CNTN5: variants seen among roughly 807,000 people sequenced by gnomAD.
CNTN5 encodes contactin-5.
In CNTN5, 77 loss-of-function variants were observed where a neutral mutation model predicts 129.1. The ratio of observed to expected loss-of-function variants is 0.60; its 90% CI spans 0.50 to 0.72. The LOEUF (loss-of-function observed/expected upper bound fraction) is 0.72, where lower values mean the gene tolerates loss of function less well. Among genes scored for constraint, CNTN5 ranks in the 30% least tolerant of loss-of-function variants. The pLI is 0.00. For missense variants in CNTN5, 1,478 were observed against 1,328.8 expected, an observed-to-expected ratio of 1.11 and a Z score of -1.75; for synonymous variants, 509 against 465.6, an observed-to-expected ratio of 1.09 and a Z score of -1.20.
intron 13 of CNTN5, among the ~76,000 whole-genome samples, chr11:100,113,793 T>C (rs1945747830): frequency 6.6e-6 from 1 of 152,138 alleles, no homozygotes; most frequent in East Asian, 1.9e-4. Flanking sequence ...CTTGGTAAAC[T>C]ATCAGTTTCT....
At chr11:100,199,432 C>T (rs191575598) in intron 15 of CNTN5, among the ~76,000 whole-genome samples, 29 of 151,920 alleles carry the variant, frequency 1.9e-4, no homozygotes, top group East Asian at 9.7e-4. Context: ...ACCTCCTGAC[C>T]GCCACATATT....
At chr11:100,103,488 C>A (rs1177247615) in intron 13 of CNTN5, among the ~76,000 whole-genome samples, 1 of 152,090 alleles carries the variant, frequency 6.6e-6, no homozygotes, top group Non-Finnish European at 1.5e-5. Flanking sequence ...GGGGAAAGAG[C>A]ATTCCAAGTG....
intron 3 of CNTN5, among the ~76,000 whole-genome samples, chr11:99,591,745 A>C (rs1949988525): frequency 6.6e-6 from 1 of 152,136 alleles, no homozygotes; most frequent in Admixed American, 6.5e-5. Context: ...GGGGAACTTG[A>C]GATACAGGTG....
chr11:99,685,226 G>A (rs188168841), intron 3 of CNTN5, among the ~76,000 whole-genome samples: 159 of 151,296 alleles, frequency 1.1e-3, no homozygotes, highest in Non-Finnish European at 2.1e-3. Flanking sequence ...TTGCTTTAAG[G>A]CTTTGATTTA....
chr11:99,140,981 T>C (rs549021006), intron 1 of CNTN5, among the ~76,000 whole-genome samples: 1 of 152,032 alleles, frequency 6.6e-6, no homozygotes, highest in Non-Finnish European at 1.5e-5. Context: ...TCTCTGACAG[T>C]GTTGGCATCA....
At chr11:99,284,869 G>A (rs1227245583) in intron 1 of CNTN5, among the ~76,000 whole-genome samples, 1 of 151,986 alleles carries the variant, frequency 6.6e-6, no homozygotes, top group Non-Finnish European at 1.5e-5. Flanking sequence ...ATATCATATA[G>A]GAAAGAATGA....
At chr11:99,276,241 T>A (rs1863422323) in intron 1 of CNTN5, among the ~76,000 whole-genome samples, 1 of 151,766 alleles carries the variant, frequency 6.6e-6, no homozygotes, top group South Asian at 2.1e-4. Flanking sequence ...ATGTCTTTAC[T>A]TTAGAAATTA....
chr11:100,239,830 C>T (rs557017429), intron 16 of CNTN5, among the ~76,000 whole-genome samples: 9 of 152,250 alleles, frequency 5.9e-5, no homozygotes, highest in Middle Eastern at 3.4e-3. Context: ...TCAGCATTCT[C>T]ATTTGTCAGC....
At chr11:99,175,249 A>C (rs1023966180) in intron 1 of CNTN5, among the ~76,000 whole-genome samples, 3 of 152,104 alleles carry the variant, frequency 2.0e-5, no homozygotes, top group Admixed American at 6.5e-5. Flanking sequence ...AACAGAAAAT[A>C]AAAAAATAAA....
At chr11:100,016,152 C>G (rs1022015087) in intron 9 of CNTN5, among the ~76,000 whole-genome samples, 56 of 152,092 alleles carry the variant, frequency 3.7e-4, no homozygotes, top group African/African-American at 1.2e-3. Flanking sequence ...AGACAAAAGT[C>G]TATGTTTACC....
chr11:99,223,651 T>C (rs1177944760), intron 1 of CNTN5, among the ~76,000 whole-genome samples: 1 of 152,182 alleles, frequency 6.6e-6, no homozygotes, highest in African/African-American at 2.4e-5. Context: ...TGTCTTATAC[T>C]TGAGAGGCTC....
chr11:99,361,513 T>C (rs1366885028), intron 2 of CNTN5, among the ~76,000 whole-genome samples: 2 of 152,172 alleles, frequency 1.3e-5, no homozygotes, highest in East Asian at 1.9e-4. Flanking sequence ...AAATGTATCA[T>C]TTTAGCCATT....
chr11:100,217,582 T>C (rs572027687), intron 15 of CNTN5, among the ~76,000 whole-genome samples: 1 of 152,366 alleles, frequency 6.6e-6, no homozygotes, highest in East Asian at 1.9e-4. Flanking sequence ...TGACTAGTTC[T>C]ATCGCCTTTG....
intron 2 of CNTN5, among the ~76,000 whole-genome samples, chr11:99,550,614 T>C (rs923392081): frequency 6.6e-6 from 1 of 152,130 alleles, no homozygotes; most frequent in East Asian, 1.9e-4. Flanking sequence ...AAAATTTACA[T>C]ACAAGGCCCT....
Position 99,388,688 on chromosome 11 carries a change from A to C in CNTN5, c.-71+63204A>C, listed in dbSNP as rs574000444. Among the ~76,000 whole-genome samples, 12 of 152,312 alleles carry C rather than the reference A, an allele frequency of 7.9e-5. No homozygotes were observed. In the South Asian group the frequency reaches 2.5e-3, roughly 32 times the overall value. ...AATTTCTATGTCAGTGAAAGAAAGA[A>C]CACGAAACTTTTTACACCTGCTACT... is the stretch of plus-strand genomic sequence containing the variant. On this transcript the variant is annotated intron_variant, in intron 2 of 24. Transcript: ENST00000524871.
chr11:99,753,118 G>GTTTTTTTTTTT (rs1591097312), intron 3 of CNTN5, among the ~76,000 whole-genome samples: 2 of 84,840 alleles, frequency 2.4e-5, no homozygotes, highest in African/African-American at 9.2e-5. Context: ...AGCCATATTT[G>GTTTTTTTTTTT]CTTTTTTTTT....
chr11:99,261,074 C>T lies in CNTN5; in HGVS notation c.-209-64272C>T, dbSNP rs1591437177. Among the ~76,000 whole-genome samples the T allele has an allele frequency of 1.3e-5, 2 of 151,660 alleles. 1 individual carries two copies. Among genetic ancestry groups the T allele is most frequent in the East Asian group, 3.9e-4 (2 of 5,164 alleles). On this transcript the variant is annotated intron_variant, in intron 1 of 24. Coordinates refer to ENST00000524871, the MANE Select transcript of CNTN5 (RefSeq NM_014361.4). ...TCTATTTATCTAAAAATCTACCATGCCATTATATTCAACCAGTAAAAAAAA... is the reference window on the plus strand; with the variant it reads ...TCTATTTATCTAAAAATCTACCATGTCATTATATTCAACCAGTAAAAAAAA...
At chr11:100,334,699 A>G (rs1269492475) in intron 21 of CNTN5, among the ~76,000 whole-genome samples, 6 of 152,302 alleles carry the variant, frequency 3.9e-5, no homozygotes, top group Admixed American at 6.5e-5. Flanking sequence ...CAAAAATTGT[A>G]TGTTCTCACT....
At chr11:99,610,675 C>T (rs1415647749) in intron 3 of CNTN5, among the ~76,000 whole-genome samples, 3 of 151,990 alleles carry the variant, frequency 2.0e-5, no homozygotes, top group East Asian at 1.9e-4. Flanking sequence ...GATATTAAAC[C>T]GAGCAGGGAT....
Sources: allele counts gnomAD v4.1 joint callset (sites outside exome capture counted in the v4.1 genomes callset), GRCh38; gene constraint gnomAD v4.1.1; transcripts MANE v1.5; gene names NCBI Gene and HGNC (gene_info 2026-07-23, HGNC 2026-07-21).